The following HSD17B12 variants were observed in gnomAD, a reference collection of about 807,000 sequenced individuals.
HSD17B12 encodes the protein hydroxysteroid 17-beta dehydrogenase 12, also known as very-long-chain 3-oxoacyl-CoA reductase.
A neutral mutation model predicts 39.3 loss-of-function variants in HSD17B12; 32 were observed. That is an observed-to-expected ratio of 0.81 (90% CI 0.61 to 1.09). The LOEUF is 1.09. Among genes scored for constraint, HSD17B12 ranks in the 50% least tolerant of loss-of-function variants. HSD17B12 has a pLI of 0.00. For synonymous variants in HSD17B12, 150 were observed against 146.7 expected (o/e 1.02, Z -0.16); for missense variants, 342 against 382.9 (o/e 0.89, Z 0.89).
chr11:43,631,866 G>A, the HSD17B12 span, among the ~76,000 whole-genome samples: 1 of 152,088 alleles, frequency 6.6e-6, no homozygotes, highest in East Asian at 1.9e-4. Context: ...CGCGGCTTCG[G>A]CTACGGACCA....
the HSD17B12 span, among the ~76,000 whole-genome samples, chr11:43,655,595 A>G: frequency 2.0e-5 from 3 of 152,072 alleles, no homozygotes; most frequent in Non-Finnish European, 4.4e-5. Context: ...TACCTAATTT[A>G]TTGAGAGTTT....
intron 1 of HSD17B12, chr11:43,719,226 G>A (rs1405399242): frequency 1.6e-6 from 1 of 630,246 alleles, no homozygotes; most frequent in Admixed American, 2.1e-5. Flanking sequence ...TGGTTGGGCT[G>A]GGAGGCCATA....
intron 9 of HSD17B12, among the ~76,000 whole-genome samples, chr11:43,843,581 C>T (rs895738726): frequency 6.6e-6 from 1 of 151,960 alleles, no homozygotes; most frequent in Non-Finnish European, 1.5e-5. Context: ...CTAGTACATG[C>T]TCTGCCCTCT....
chr11:43,747,884 C>T (rs1950426589), intron 1 of HSD17B12, among the ~76,000 whole-genome samples: 1 of 152,092 alleles, frequency 6.6e-6, no homozygotes. Context: ...TCTCTGGCCC[C>T]CACTCTTTAT....
At chr11:43,725,866 T>C (rs1049601304) in intron 1 of HSD17B12, among the ~76,000 whole-genome samples, 1 of 152,052 alleles carries the variant, frequency 6.6e-6, no homozygotes, top group African/African-American at 2.4e-5. Context: ...GGAACAGATA[T>C]GAGAAAAATG....
intron 1 of HSD17B12, among the ~76,000 whole-genome samples, chr11:43,709,154 C>T (rs895977731): frequency 7.9e-5 from 12 of 152,094 alleles, no homozygotes; most frequent in African/African-American, 2.4e-4. Context: ...GAGACAGAGC[C>T]TTGCCCTGTC....
intron 3 of HSD17B12, among the ~76,000 whole-genome samples, chr11:43,777,094 T>C (rs1950713646): frequency 2.0e-5 from 3 of 152,198 alleles, no homozygotes; most frequent in Admixed American, 6.5e-5. Flanking sequence ...TGTGGGCTCT[T>C]TTTTGGTTCC....
At chr11:43,737,965 C>T (rs974485530) in intron 1 of HSD17B12, among the ~76,000 whole-genome samples, 9 of 148,364 alleles carry the variant, frequency 6.1e-5, no homozygotes, top group Middle Eastern at 3.3e-3. Flanking sequence ...CCCAGCTACT[C>T]GGGAGGCTGA....
At position 43,785,487 on chromosome 11, in the gene HSD17B12, T is replaced by TA. The variant is rs1195738417; in HGVS notation, c.284-12832dup. ...GACTAGTCAGCTTCCAGGATGTGAC[T>TA]AGAGCAGAGCTTGCTCTAGTCCAAA... On this transcript the variant is annotated intron_variant, in intron 3 of 10. Transcript: ENST00000278353. 3.3e-5 allele frequency among the ~76,000 whole-genome samples: 5 copies of TA among 152,322 alleles called. No individual in the cohort carries two copies. In the East Asian group the frequency reaches 9.6e-4, roughly 29 times the overall value.
chr11:43,781,346 A>G (rs1457337830), intron 3 of HSD17B12, among the ~76,000 whole-genome samples: 1 of 152,220 alleles, frequency 6.6e-6, no homozygotes, highest in Non-Finnish European at 1.5e-5. Flanking sequence ...ATATGCTGAC[A>G]TGGAAGGTCA....
At chr11:43,820,471 C>T (rs909182338) in intron 6 of HSD17B12, among the ~76,000 whole-genome samples, 16 of 152,124 alleles carry the variant, frequency 1.1e-4, no homozygotes, top group Admixed American at 9.8e-4. Flanking sequence ...GTTACGTTGC[C>T]AGGGCCAGGG....
the HSD17B12 span, among the ~76,000 whole-genome samples, chr11:43,565,119 T>C: frequency 6.6e-6 from 1 of 152,150 alleles, no homozygotes; most frequent in East Asian, 1.9e-4. Context: ...AGGTTGGTCT[T>C]GAACTCCTGA....
chr11:43,694,786 A>C (rs1949894704), intron 1 of HSD17B12, among the ~76,000 whole-genome samples: 1 of 152,166 alleles, frequency 6.6e-6, no homozygotes. Context: ...TTAACGTTAC[A>C]TTCTAGGGCT....
chr11:43,689,764 G>T (rs1949835320), intron 1 of HSD17B12, among the ~76,000 whole-genome samples: 1 of 152,004 alleles, frequency 6.6e-6, no homozygotes, highest in Non-Finnish European at 1.5e-5. Context: ...GACCAGGCTG[G>T]TTTTGAACTC....
intron 9 of HSD17B12, 106 bp from the exon 10 acceptor site, chr11:43,854,609 T>TA: frequency 8.1e-7 from 1 of 1,228,744 alleles, no homozygotes; most frequent in Non-Finnish European, 1.2e-6. Context: ...TCTGTAAAGA[T>TA]ACAGATGTTT....
the HSD17B12 span, among the ~76,000 whole-genome samples, chr11:43,628,870 T>C: frequency 1.3e-5 from 2 of 152,096 alleles, no homozygotes; most frequent in African/African-American, 2.4e-5. Flanking sequence ...TAAACAAGCA[T>C]TGTTGATTTT....
At chr11:43,709,901 G>A (rs4288745) in intron 1 of HSD17B12, among the ~76,000 whole-genome samples, 76,350 of 151,906 alleles carry the variant, frequency 0.5, 19,634 homozygotes, top group Non-Finnish European at 0.53. Context: ...GCACCTGTGA[G>A]GGTTACAGAG....
chr11:43,672,127 A>C, the HSD17B12 span, among the ~76,000 whole-genome samples: 1 of 151,830 alleles, frequency 6.6e-6, no homozygotes, highest in African/African-American at 2.4e-5. Context: ...CGGCTCACTG[A>C]AAGCTCTGCC....
the HSD17B12 span, among the ~76,000 whole-genome samples, chr11:43,612,598 G>T: frequency 6.6e-6 from 1 of 152,198 alleles, no homozygotes; most frequent in African/African-American, 2.4e-5. Flanking sequence ...TAGAGATGGG[G>T]TTTCACCATG....
Sources: allele counts gnomAD v4.1 joint callset (sites outside exome capture counted in the v4.1 genomes callset), GRCh38; gene constraint gnomAD v4.1.1; transcripts MANE v1.5; gene names NCBI Gene and HGNC (gene_info 2026-07-23, HGNC 2026-07-21).